The following PCDHGA2 variants were observed in gnomAD, a reference collection of about 807,000 sequenced individuals.
PCDHGA2 encodes the protein protocadherin gamma subfamily A, 2, also known as protocadherin gamma-A2.
In PCDHGA2, 40 loss-of-function variants were observed where a neutral mutation model predicts 59.2. That is an observed-to-expected ratio of 0.68 (90% CI 0.52 to 0.88). The LOEUF is 0.88. Ranked by LOEUF, PCDHGA2 falls within the 40% of genes least tolerant of loss-of-function variation. The pLI is 0.00. For synonymous variants in PCDHGA2, 560 were observed against 526.0 expected (o/e 1.06, Z -0.89); for missense variants, 1,226 against 1,204.0 (o/e 1.02, Z -0.27).
chr5:141,480,533 G>A (rs2099521308), intron 1 of PCDHGA2, among the ~76,000 whole-genome samples: 1 of 127,758 alleles, frequency 7.8e-6, no homozygotes, highest in African/African-American at 3.6e-5. Flanking sequence ...CAAAGTAGAA[G>A]CACATATGAA....
At chr5:141,420,770 T>G (rs1485978181) in intron 1 of PCDHGA2, among the ~76,000 whole-genome samples, 1 of 152,202 alleles carries the variant, frequency 6.6e-6, no homozygotes, top group Non-Finnish European at 1.5e-5. Flanking sequence ...AGTTTTCAGC[T>G]CCAGTAATAT....
intron 1 of PCDHGA2, chr5:141,376,412 G>C: frequency 6.2e-7 from 1 of 1,614,166 alleles, no homozygotes; most frequent in East Asian, 2.2e-5. Flanking sequence ...CAACTATGCC[G>C]ACACGCTTAT....
chr5:141,390,279 C>T (rs759949726), intron 1 of PCDHGA2: 18 of 1,613,880 alleles, frequency 1.1e-5, no homozygotes, highest in Non-Finnish European at 1.5e-5. Context: ...GACTTCCCAT[C>T]AGGTGAGTTT....
In PCDHGA2 at chr5:141,340,858, G is replaced by A; in HGVS notation, c.1887G>A (p.Ala629=). 1 of 1,613,588 alleles carries A rather than the reference G, an allele frequency of 6.2e-7. No homozygotes were observed. The highest frequency in any genetic ancestry group is 8.5e-7 in the Non-Finnish European group (1 of 1,179,904). The change falls in exon 1 of 4, where the codon GCG becomes GCA. Residue 629 remains alanine (A), a synonymous_variant. Coordinates refer to ENST00000394576, the MANE Select transcript of PCDHGA2 (RefSeq NM_018915.4). Reference sequence around the variant, plus strand: ...TGCACACGGGCGAGGTGCGCACGGCGCGAGCCCTGCTGGACAGAGACGCGC... The same window carrying A: ...TGCACACGGGCGAGGTGCGCACGGCACGAGCCCTGCTGGACAGAGACGCGC... ...VGLHTGEVRT[A]RALLDRDALK... is the part of the protein sequence containing the mutation.
rs1209394605 is a variant in PCDHGA2, at chr5:141,353,277, G to GTCATTTTAT, written c.2424+11885_2424+11893dup. Among the ~76,000 whole-genome samples, 77 of 152,218 alleles carry GTCATTTTAT rather than the reference G, an allele frequency of 5.1e-4. 1 individual carries two copies. The highest frequency in any genetic ancestry group is 1.5e-5 in the Non-Finnish European group (1 of 67,996). ...TTGATATGCAATACTATATTTTCAA[G>GTCATTTTAT]TCATTTTATTCTTAGCTCTTTATAA... On this transcript the variant is annotated intron_variant, in intron 1 of 3. Coordinates refer to ENST00000394576, the MANE Select transcript of PCDHGA2 (RefSeq NM_018915.4).
At chr5:141,436,074 G>A (rs1048063491) in intron 1 of PCDHGA2, among the ~76,000 whole-genome samples, 3 of 152,058 alleles carry the variant, frequency 2.0e-5, no homozygotes, top group Non-Finnish European at 4.4e-5. Context: ...TAAGTACAGT[G>A]TTCTATAGGT....
intron 1 of PCDHGA2, among the ~76,000 whole-genome samples, chr5:141,439,270 A>G (rs1381185021): frequency 6.6e-6 from 1 of 152,140 alleles, no homozygotes; most frequent in African/African-American, 2.4e-5. Flanking sequence ...CCAACAGTTC[A>G]TTCTGAGACT....
rs746968245 is a variant in PCDHGA2, at chr5:141,489,575, A to AC, written c.2425-5227dup. 2 of 1,613,788 alleles carry AC rather than the reference A, an allele frequency of 1.2e-6. No homozygotes were observed. Among genetic ancestry groups the AC allele is most frequent in the Non-Finnish European group, 1.7e-6 (2 of 1,179,960 alleles). On this transcript the variant is annotated intron_variant, in intron 1 of 3. Coordinates refer to ENST00000394576, the MANE Select transcript of PCDHGA2 (RefSeq NM_018915.4). The surrounding 1 kb of genome is among the most constrained non-coding windows in gnomAD (Gnocchi z 4.5). ...CTGCCAGTGCAGGTGGTGACTGAACACCCCCTGGAGCTAATCCGTGTAGAG... is the reference window on the plus strand; with the variant it reads ...CTGCCAGTGCAGGTGGTGACTGAACACCCCCCTGGAGCTAATCCGTGTAGAG...
chr5:141,384,913 T>C, intron 1 of PCDHGA2: 1 of 1,613,988 alleles, frequency 6.2e-7, no homozygotes, highest in Non-Finnish European at 8.5e-7. Context: ...CCCCGAAGTC[T>C]TGGCCGACCT....
At chr5:141,378,986 C>T (rs1369970851) in intron 1 of PCDHGA2, 2 of 152,156 alleles carry the variant, frequency 1.3e-5, no homozygotes, top group African/African-American at 4.8e-5. Flanking sequence ...TGTTGAACTA[C>T]ATTATAGTCA....
chr5:141,363,996 G>A (rs1467481221), intron 1 of PCDHGA2, among the ~76,000 whole-genome samples: 3 of 152,124 alleles, frequency 2.0e-5, no homozygotes, highest in Admixed American at 1.3e-4. Context: ...CTGAATTAAC[G>A]GTCATAAACA....
In PCDHGA2 at chr5:141,362,558, T is replaced by G. The variant is rs1762565840; in HGVS notation, c.2424+21163T>G. ...TTTGCCTCAGATACTATTTTGAAGG[T>G]GAGCTTTAATTAATTTATTTTCACT... On this transcript the variant is annotated intron_variant, in intron 1 of 3. Transcript: ENST00000394576. 4 of 1,611,392 alleles carry G rather than the reference T, an allele frequency of 2.5e-6. No homozygotes were observed. The Middle Eastern group carries it at 5.0e-4, about 200-fold the overall frequency.
chr5:141,430,930 G>A, intron 1 of PCDHGA2: 2 of 1,607,320 alleles, frequency 1.2e-6, no homozygotes, highest in Non-Finnish European at 1.7e-6. Context: ...TGGAGCCCCG[G>A]GAGCTCGCGG....
chr5:141,441,364 CGT>C (rs1283671958), intron 1 of PCDHGA2: 1 of 152,528 alleles, frequency 6.6e-6, no homozygotes, highest in African/African-American at 2.4e-5. Context: ...CAAATGGGGC[CGT>C]GGACCAGGAA....
chr5:141,428,145 A>G (rs748256830), intron 1 of PCDHGA2: 10 of 1,592,574 alleles, frequency 6.3e-6, no homozygotes, highest in African/African-American at 1.3e-5. Context: ...GGGGCTGCAC[A>G]CGGGAACCTG....
chr5:141,472,486 G>A (rs1300618918), intron 1 of PCDHGA2, among the ~76,000 whole-genome samples: 1 of 152,050 alleles, frequency 6.6e-6, no homozygotes, highest in Non-Finnish European at 1.5e-5. Flanking sequence ...CTTGCAGTGA[G>A]ACGAGATCGT....
rs115340023 is a variant in PCDHGA2 at position 141,387,818 on chromosome 5, G to T, written c.2424+46423G>T. 2,906 of 1,551,554 alleles carry T rather than the reference G, an allele frequency of 1.9e-3. 45 individuals carry two copies. The African/African-American group carries it at 0.028, about 15-fold the overall frequency. ...AGTCCGTTCGGAGATCCAAAAATCT[G>T]CAATACAGAGGTTATTTGTAACCCG... On this transcript the variant is annotated intron_variant, in intron 1 of 3. Transcript: ENST00000394576.
chr5:141,371,897 G>A, intron 1 of PCDHGA2: 1 of 1,613,408 alleles, frequency 6.2e-7, no homozygotes, highest in Non-Finnish European at 8.5e-7. Flanking sequence ...CGCGGGAGCT[G>A]TCGTCCTACG....
intron 1 of PCDHGA2, chr5:141,345,832 A>G: frequency 1.2e-6 from 2 of 1,613,492 alleles, no homozygotes; most frequent in Non-Finnish European, 1.7e-6. Context: ...GACTCGGGCC[A>G]GAACGCCTGG....
Sources: gnomAD v4.1 joint callset for allele counts (sites outside exome capture counted in the v4.1 genomes callset) on GRCh38, gnomAD v4.1.1 for gene constraint, Gnocchi (gnomAD v3.1) non-coding constraint, MANE v1.5 for transcripts, NCBI Gene and HGNC (gene_info 2026-07-23, HGNC 2026-07-21) for gene names.